The following COL26A1 variants were observed in gnomAD, a reference collection of about 807,000 sequenced individuals.
COL26A1 encodes collagen type XXVI alpha 1 chain, also known as collagen alpha-1(XXVI) chain.
In COL26A1, 41 loss-of-function variants were observed where a neutral mutation model predicts 59.3. The ratio of observed to expected loss-of-function variants is 0.69; its 90% CI spans 0.54 to 0.90. COL26A1 has a LOEUF of 0.90. COL26A1 is among the 40% of genes least tolerant of loss of function. COL26A1 has a pLI of 0.00. For missense variants in COL26A1, 612 were observed against 602.3 expected, an observed-to-expected ratio of 1.02 and a Z score of -0.17; for synonymous variants, 266 against 256.0, an observed-to-expected ratio of 1.04 and a Z score of -0.37.
intron 1 of COL26A1, among the ~76,000 whole-genome samples, chr7:101,365,149 A>G (rs532884566): frequency 1.7e-4 from 26 of 152,190 alleles, no homozygotes; most frequent in Non-Finnish European, 3.8e-4. Flanking sequence ...CGGGGCTTCT[A>G]TGAGGAGCAT....
chr7:101,473,191 C>T (rs1382056624), intron 3 of COL26A1, among the ~76,000 whole-genome samples: 5 of 151,792 alleles, frequency 3.3e-5, no homozygotes, highest in African/African-American at 7.3e-5. Context: ...GCCATTCTTC[C>T]GCCTCAGCCT....
intron 3 of COL26A1, among the ~76,000 whole-genome samples, chr7:101,500,847 T>TA (rs201553014): frequency 0.012 from 1,836 of 150,476 alleles, 47 homozygotes; most frequent in African/African-American, 0.043. Context: ...AATAAATAGA[T>TA]AAAAAAAGAA....
intron 3 of COL26A1, among the ~76,000 whole-genome samples, chr7:101,485,514 A>T (rs1794249301): frequency 1.3e-5 from 2 of 152,160 alleles, no homozygotes; most frequent in African/African-American, 4.8e-5. Flanking sequence ...AAAGGGTGTG[A>T]TCCTCATAGT....
intron 1 of COL26A1, among the ~76,000 whole-genome samples, chr7:101,375,964 C>T (rs1006151467): frequency 7.3e-5 from 9 of 122,480 alleles, no homozygotes; most frequent in Middle Eastern, 6.1e-3. Context: ...CCAGCCTGGG[C>T]GAAAGAGTGA....
At chr7:101,520,726 C>T (rs533385899) in intron 3 of COL26A1, among the ~76,000 whole-genome samples, 3 of 151,864 alleles carry the variant, frequency 2.0e-5, no homozygotes, top group South Asian at 4.2e-4. Flanking sequence ...TCCTTTTGCT[C>T]CCCTCTCATG....
At chr7:101,386,002 C>T (rs1201509368) in intron 1 of COL26A1, among the ~76,000 whole-genome samples, 2 of 152,212 alleles carry the variant, frequency 1.3e-5, no homozygotes, top group East Asian at 1.9e-4. Flanking sequence ...TGAGCCACCG[C>T]GCCCGGCCAC....
At chr7:101,539,826 G>A in intron 4 of COL26A1, 67 bp from the exon 5 acceptor site, 2 of 1,487,902 alleles carry the variant, frequency 1.3e-6, no homozygotes, top group Non-Finnish European at 1.8e-6. Context: ...GCATGTCCCT[G>A]TGTGTCACGC....
intron 1 of COL26A1, among the ~76,000 whole-genome samples, chr7:101,376,986 G>A (rs1268900688): frequency 6.6e-6 from 1 of 151,972 alleles, no homozygotes; most frequent in Admixed American, 6.6e-5. Context: ...AGTCTCCCGA[G>A]TAGCTGTGAT....
intron 1 of COL26A1, among the ~76,000 whole-genome samples, chr7:101,363,749 A>G (rs10261809): frequency 0.58 from 87,970 of 151,674 alleles, 27,080 homozygotes; most frequent in African/African-American, 0.8. Context: ...GGCTCCGAGT[A>G]GAGGTGGTTC....
rs565385136 is a variant in COL26A1 at position 101,442,027 on chromosome 7, G to T, written c.282-5657G>T. 3.9e-5 allele frequency among the ~76,000 whole-genome samples: 6 copies of T among 152,270 alleles called. No homozygotes were observed. The East Asian group carries it at 1.2e-3, about 29-fold the overall frequency. The stretch of plus-strand genomic sequence containing the variant: ...CCAAATGCCAGGCTTGCACTCCTGA[G>T]CCCAGGGCTCCATTGATCCCATCGT... On this transcript the variant is annotated intron_variant, in intron 2 of 12. Transcript: ENST00000313669.
chr7:101,459,466 A>ATTTTTTTTTTTTTTT (rs71286269), intron 3 of COL26A1, among the ~76,000 whole-genome samples: 5 of 136,086 alleles, frequency 3.7e-5, no homozygotes, highest in African/African-American at 5.6e-5. Context: ...CACCCGGCTA[A>ATTTTTTTTTTTTTTT]TTTTTTTTTT....
chr7:101,371,479 T>A (rs1791190419), intron 1 of COL26A1, among the ~76,000 whole-genome samples: 1 of 114,052 alleles, frequency 8.8e-6, no homozygotes, highest in Non-Finnish European at 1.8e-5. Context: ...CCAGACCCTG[T>A]CTCTGTAAAA....
chr7:101,552,070 G>C (rs1440917905), intron 10 of COL26A1, among the ~76,000 whole-genome samples: 2 of 152,190 alleles, frequency 1.3e-5, no homozygotes, highest in African/African-American at 4.8e-5. Context: ...GGAGTGTCAA[G>C]CTCCCAAGCC....
chr7:101,522,331 T>A (rs1461187798), intron 3 of COL26A1, among the ~76,000 whole-genome samples: 2 of 152,180 alleles, frequency 1.3e-5, no homozygotes, highest in Non-Finnish European at 2.9e-5. Context: ...ATGGGATAAC[T>A]TTTCGTATAT....
intron 5 of COL26A1, among the ~76,000 whole-genome samples, chr7:101,542,166 C>T (rs1488725091): frequency 2.0e-5 from 3 of 152,072 alleles, no homozygotes; most frequent in African/African-American, 7.2e-5. Context: ...GGGGTTTTGT[C>T]ATGTTGGCCA....
chr7:101,508,937 C>T (rs1316517294), intron 3 of COL26A1, among the ~76,000 whole-genome samples: 1 of 151,614 alleles, frequency 6.6e-6, no homozygotes, highest in Admixed American at 6.6e-5. Flanking sequence ...CCCAGGAGGT[C>T]GAAGCTGCAG....
At chr7:101,548,632 C>G (rs995059828) in intron 8 of COL26A1, among the ~76,000 whole-genome samples, 1 of 143,010 alleles carries the variant, frequency 7.0e-6, no homozygotes, top group Non-Finnish European at 1.5e-5. Flanking sequence ...ACAGCTTTAG[C>G]AGAGACGCCA....
chr7:101,461,096 C>T (rs113820246), intron 3 of COL26A1, among the ~76,000 whole-genome samples: 25,687 of 152,166 alleles, frequency 0.17, 2,488 homozygotes, highest in African/African-American at 0.24. Flanking sequence ...CTTCCTCAGC[C>T]TCCCAAGTAG....
intron 1 of COL26A1, among the ~76,000 whole-genome samples, chr7:101,378,596 A>C (rs1408630554): frequency 6.6e-6 from 1 of 151,970 alleles, no homozygotes; most frequent in African/African-American, 2.4e-5. Flanking sequence ...TCCTGGCTTC[A>C]AGCGATCCTC....
Sources: gnomAD v4.1 joint callset for allele counts (sites outside exome capture counted in the v4.1 genomes callset) on GRCh38, gnomAD v4.1.1 for gene constraint, MANE v1.5 for transcripts, NCBI Gene and HGNC (gene_info 2026-07-23, HGNC 2026-07-21) for gene names.